The following ZBTB20 variants were observed in gnomAD, a reference collection of about 807,000 sequenced individuals.
ZBTB20 encodes the protein zinc finger and BTB domain containing 20, also known as zinc finger and BTB domain-containing protein 20.
A neutral mutation model predicts 56.9 loss-of-function variants in ZBTB20; 9 were observed. The ratio of observed to expected loss-of-function variants is 0.16; its 90% CI spans 0.10 to 0.28. The LOEUF (loss-of-function observed/expected upper bound fraction) is 0.28. ZBTB20 is among the 10% of genes least tolerant of loss of function. The pLI is 1.00. For synonymous variants in ZBTB20, 417 were observed against 420.7 expected (o/e 0.99, Z 0.11); for missense variants, 655 against 1,003.0 (o/e 0.65, Z 4.69).
intron 6 of ZBTB20, among the ~76,000 whole-genome samples, chr3:114,599,676 T>A (rs902058487): frequency 6.6e-6 from 1 of 152,092 alleles, no homozygotes; most frequent in Admixed American, 6.6e-5. Flanking sequence ...ATTATTTGCA[T>A]TTAATTCCAA....
intron 5 of ZBTB20, among the ~76,000 whole-genome samples, chr3:114,715,817 C>T (rs2064439257): frequency 6.6e-6 from 1 of 152,140 alleles, no homozygotes; most frequent in South Asian, 2.1e-4. Flanking sequence ...CATCCTTTAT[C>T]CAAGACTCCC....
At chr3:114,535,606 A>T (rs1044438784) in intron 6 of ZBTB20, among the ~76,000 whole-genome samples, 1 of 152,208 alleles carries the variant, frequency 6.6e-6, no homozygotes, top group Non-Finnish European at 1.5e-5. Context: ...ATTCCAGATC[A>T]TAGAAAAAGA....
chr3:114,712,559 A>G (rs2108445996), intron 5 of ZBTB20, among the ~76,000 whole-genome samples: 1 of 151,672 alleles, frequency 6.6e-6, no homozygotes, highest in East Asian at 2.0e-4. Flanking sequence ...AAGCTGAGGC[A>G]GGAGAATCCC....
At chr3:115,031,725 T>C (rs2108348593) in intron 2 of ZBTB20, among the ~76,000 whole-genome samples, 1 of 151,654 alleles carries the variant, frequency 6.6e-6, no homozygotes, top group South Asian at 2.1e-4. Flanking sequence ...AGTGCTGTAT[T>C]AGAAGGAAAT....
At chr3:114,899,612 G>A (rs2075027358) in intron 4 of ZBTB20, among the ~76,000 whole-genome samples, 1 of 152,154 alleles carries the variant, frequency 6.6e-6, no homozygotes, top group Admixed American at 6.6e-5. Flanking sequence ...ATAAACCAAT[G>A]TAACAGTTCA....
chr3:114,592,742 G>T (rs2055902987), intron 6 of ZBTB20, among the ~76,000 whole-genome samples: 1 of 152,152 alleles, frequency 6.6e-6, no homozygotes, highest in Admixed American at 6.5e-5. Context: ...CCACTAAAGA[G>T]ATTACTTATT....
chr3:114,629,937 T>A (rs1043977176), intron 6 of ZBTB20, among the ~76,000 whole-genome samples: 2 of 152,028 alleles, frequency 1.3e-5, no homozygotes, highest in South Asian at 2.1e-4. Flanking sequence ...GTCTTCAGCC[T>A]AGGAGCTGAA....
At chr3:114,706,238 G>C (rs773437169) in intron 5 of ZBTB20, among the ~76,000 whole-genome samples, 1 of 152,070 alleles carries the variant, frequency 6.6e-6, no homozygotes, top group Non-Finnish European at 1.5e-5. Flanking sequence ...TTGCAGGAAC[G>C]TTGTGAAGAT....
intron 5 of ZBTB20, among the ~76,000 whole-genome samples, chr3:114,769,177 T>A (rs886513287): frequency 5.9e-5 from 9 of 152,140 alleles, no homozygotes. Flanking sequence ...TTAATCATTT[T>A]GTTAGAAAAA....
At chr3:114,383,404 T>C (rs2084638239) in intron 8 of ZBTB20, among the ~76,000 whole-genome samples, 1 of 152,240 alleles carries the variant, frequency 6.6e-6, no homozygotes, top group African/African-American at 2.4e-5. Flanking sequence ...AAAAATTATA[T>C]TGTTCTTCAT....
rs561313329 is a variant in ZBTB20, at chr3:114,716,980, C to A, written c.-342-23405G>T. Among the ~76,000 whole-genome samples, 16 of 152,106 alleles carry A rather than the reference C, an allele frequency of 1.1e-4. No individual in the cohort carries two copies. In the South Asian group the frequency reaches 1.7e-3, roughly 16 times the overall value. ...ATAAACAAAACAAAACAAAACAAAA[C>A]AAAAGGCTACAGGGGAGGTGTATGT... On this transcript the variant is annotated intron_variant, in intron 5 of 11. Transcript: ENST00000675478.
intron 4 of ZBTB20, among the ~76,000 whole-genome samples, chr3:114,879,732 C>T (rs1329980304): frequency 3.3e-5 from 5 of 152,004 alleles, no homozygotes; most frequent in East Asian, 1.9e-4. Flanking sequence ...TGTTGGTATC[C>T]GACGTCAGAC....
intron 2 of ZBTB20, among the ~76,000 whole-genome samples, chr3:115,050,450 A>T (rs2081503409): frequency 6.6e-6 from 1 of 151,946 alleles, no homozygotes. Flanking sequence ...TAAATACATG[A>T]TTAAGTGAAT....
At chr3:114,642,513 T>C (rs115786893) in intron 6 of ZBTB20, among the ~76,000 whole-genome samples, 2,725 of 152,092 alleles carry the variant, frequency 0.018, 34 homozygotes, top group Non-Finnish European at 0.029. Flanking sequence ...TTGTGAGAAA[T>C]AGAGCATACT....
At chr3:115,031,051 A>T (rs2080654645) in intron 2 of ZBTB20, among the ~76,000 whole-genome samples, 1 of 151,406 alleles carries the variant, frequency 6.6e-6, no homozygotes, top group African/African-American at 2.4e-5. Flanking sequence ...GAAAATCAGG[A>T]TCTACTCCAA....
chr3:114,403,899 A>G (rs1257249842), intron 7 of ZBTB20, among the ~76,000 whole-genome samples: 1 of 152,004 alleles, frequency 6.6e-6, no homozygotes, highest in African/African-American at 2.4e-5. Context: ...AAGTCATGAA[A>G]CTTCTCTCGA....
chr3:114,942,393 A>C (rs1365895822), intron 3 of ZBTB20, among the ~76,000 whole-genome samples: 1 of 146,064 alleles, frequency 6.8e-6, no homozygotes, highest in African/African-American at 2.8e-5. Context: ...TAAATACTTA[A>C]AGAATAATAT....
chr3:114,726,816 GC>G (rs1306158225), intron 5 of ZBTB20, among the ~76,000 whole-genome samples: 5 of 146,626 alleles, frequency 3.4e-5, no homozygotes, highest in Admixed American at 2.1e-4. Context: ...GGAGGCTGAG[GC>G]AGGATAATTG....
intron 6 of ZBTB20, among the ~76,000 whole-genome samples, chr3:114,579,607 A>G (rs1317987762): frequency 6.6e-6 from 1 of 151,632 alleles, no homozygotes; most frequent in African/African-American, 2.4e-5. Context: ...TTTAGACTAC[A>G]AATAAATAAT....
Sources: allele counts gnomAD v4.1 joint callset (sites outside exome capture counted in the v4.1 genomes callset), GRCh38; gene constraint gnomAD v4.1.1; transcripts MANE v1.5; gene names NCBI Gene and HGNC (gene_info 2026-07-23, HGNC 2026-07-21).